Variants in TMEM131 observed in about 807,000 individuals in gnomAD.
TMEM131 encodes the protein 2610524E03Rik.
TMEM131 carries 66 observed loss-of-function variants against 211.6 expected under a neutral mutation model. The observed-to-expected ratio is 0.31, with a 90% CI of 0.26 to 0.38. The LOEUF (loss-of-function observed/expected upper bound fraction) is 0.38, where lower values mean the gene tolerates loss of function less well. Among genes scored for constraint, TMEM131 ranks in the 10% least tolerant of loss-of-function variants. The pLI, the probability that TMEM131 is intolerant of heterozygous loss-of-function variation, is 1.00. For missense variants in TMEM131, 2,036 were observed against 2,299.3 expected (o/e 0.89, Z 2.34); for synonymous variants, 844 against 841.3 (o/e 1.00, Z -0.06).
chr2:97,987,188 A>G (rs940303928), intron 1 of TMEM131, among the ~76,000 whole-genome samples: 1 of 152,254 alleles, frequency 6.6e-6, no homozygotes, highest in Non-Finnish European at 1.5e-5. Context: ...CTGCCATATC[A>G]CTTTGCAATC....
At chr2:97,776,558 T>A (rs183134120) in intron 31 of TMEM131, among the ~76,000 whole-genome samples, 1 of 152,332 alleles carries the variant, frequency 6.6e-6, no homozygotes, top group East Asian at 1.9e-4. Flanking sequence ...AACACACCCA[T>A]TTTAAGGGTA....
At chr2:97,771,361 G>A (rs1354568576) in intron 33 of TMEM131, among the ~76,000 whole-genome samples, 4 of 152,162 alleles carry the variant, frequency 2.6e-5, no homozygotes, top group Non-Finnish European at 5.9e-5. Flanking sequence ...CCTGCCTGAA[G>A]CCATATAATC....
At chr2:97,990,666 T>C (rs1288152554) in intron 1 of TMEM131, among the ~76,000 whole-genome samples, 2 of 152,140 alleles carry the variant, frequency 1.3e-5, no homozygotes, top group Non-Finnish European at 2.9e-5. Context: ...AAAAGCAACA[T>C]GTGGGGAAGA....
rs1254964893 is a variant in TMEM131 at position 97,805,601 on chromosome 2, T to C, written c.2158A>G (p.Lys720Glu). The C allele has an allele frequency of 3.1e-6, 5 of 1,611,526 alleles. No individual in the cohort carries two copies. Among genetic ancestry groups the C allele is most frequent in the Non-Finnish European group, 4.2e-6 (5 of 1,178,086 alleles). ...TCTTCCTTATTGCCCCGTAATCGTT[T>C]ATAGTAAAATCGCACATCTTCTGAC... ...SLSEDVRFYYKRLRGNKEDLE... is the reference protein window; with the variant it reads ...SLSEDVRFYYERLRGNKEDLE... The change falls in exon 20 of 41, where the codon AAA becomes GAA. Residue 720 changes from lysine (K) to glutamate (E), a missense_variant. By Grantham distance (56) the Lys-to-Glu change is moderately conservative (BLOSUM62 1). Around this residue, in one of 3 missense-constraint regions of TMEM131, gnomAD observed 1,623 missense variants for 1,805.9 expected, o/e 0.90. Transcript: ENST00000186436.
At chr2:97,920,970 AGTGTGTGTGTGTGTGTGT>A (rs57343769) in intron 2 of TMEM131, among the ~76,000 whole-genome samples, 4 of 146,630 alleles carry the variant, frequency 2.7e-5, no homozygotes, top group Non-Finnish European at 4.5e-5. Flanking sequence ...AAAAATCCCG[AGTGTGTGTGTGTGTGTGT>A]GTGTGTGTGT....
At chr2:97,910,167 A>G (rs1218471295) in intron 2 of TMEM131, among the ~76,000 whole-genome samples, 1 of 152,196 alleles carries the variant, frequency 6.6e-6, no homozygotes, top group Non-Finnish European at 1.5e-5. Flanking sequence ...AATCAAAACC[A>G]CAATGATACC....
At chr2:97,847,354 G>T (rs1236433913) in intron 5 of TMEM131, among the ~76,000 whole-genome samples, 1 of 152,052 alleles carries the variant, frequency 6.6e-6, no homozygotes. Context: ...TGGGAATCAA[G>T]GTCAACATAT....
chr2:97,891,943 A>G lies in TMEM131; in HGVS notation c.291-3823T>C, dbSNP rs557002288. On this transcript the variant is annotated intron_variant, in intron 3 of 40. Coordinates refer to ENST00000186436, the MANE Select transcript of TMEM131 (RefSeq NM_015348.2). The stretch of plus-strand genomic sequence containing the variant: ...TTGATCCACAAACATTACAGCCACA[A>G]ATAAGAGGTGGGGAAGGAAGTGCCT... Among the ~76,000 whole-genome samples the G allele has an allele frequency of 2.6e-5, 4 of 152,260 alleles. No homozygotes were observed. In the East Asian group the frequency reaches 5.8e-4, roughly 22 times the overall value.
chr2:97,845,540 T>C (rs932404788), intron 5 of TMEM131, among the ~76,000 whole-genome samples: 1 of 152,092 alleles, frequency 6.6e-6, no homozygotes, highest in African/African-American at 2.4e-5. Flanking sequence ...TTGAATTGAT[T>C]GGAAATGAAA....
intron 5 of TMEM131, among the ~76,000 whole-genome samples, chr2:97,852,792 G>A (rs1185097571): frequency 6.6e-6 from 1 of 152,200 alleles, no homozygotes; most frequent in Non-Finnish European, 1.5e-5. Flanking sequence ...TGGCTTCAAA[G>A]CTTCAAAGGA....
At chr2:97,781,320 GCTGTGAC>G (rs1679991181) in intron 31 of TMEM131, among the ~76,000 whole-genome samples, 2 of 152,210 alleles carry the variant, frequency 1.3e-5, no homozygotes, top group Non-Finnish European at 2.9e-5. Context: ...ATATACCAAT[GCTGTGAC>G]CTGCTCTGAG....
chr2:97,916,584 A>G (rs893622191), intron 2 of TMEM131, among the ~76,000 whole-genome samples: 11 of 152,232 alleles, frequency 7.2e-5, no homozygotes, highest in Non-Finnish European at 1.5e-4. Context: ...TAGTTGTAAT[A>G]TTGTAAAACT....
chr2:97,764,449 A>C (rs1356570363), intron 35 of TMEM131: 1 of 152,438 alleles, frequency 6.6e-6, no homozygotes, highest in Admixed American at 6.6e-5. Flanking sequence ...TAACGCTGGC[A>C]GTGAGGGCAG....
At chr2:97,910,948 C>G (rs903998401) in intron 2 of TMEM131, among the ~76,000 whole-genome samples, 50 of 152,078 alleles carry the variant, frequency 3.3e-4, no homozygotes, top group African/African-American at 9.2e-4. Flanking sequence ...GAAACAAAAG[C>G]ATTTGTCCGT....
At chr2:97,893,609 C>T (rs1675476259) in intron 3 of TMEM131, among the ~76,000 whole-genome samples, 2 of 152,234 alleles carry the variant, frequency 1.3e-5, no homozygotes, top group East Asian at 1.9e-4. Context: ...TGGTATCTCA[C>T]TGTAGTTTTG....
At chr2:97,972,506 A>G (rs1204853612) in intron 1 of TMEM131, among the ~76,000 whole-genome samples, 2 of 150,946 alleles carry the variant, frequency 1.3e-5, no homozygotes, top group East Asian at 1.9e-4. Context: ...GCAGGCGGGC[A>G]GGCAGGCAGG....
intron 18 of TMEM131, among the ~76,000 whole-genome samples, 177 bp from the exon 19 acceptor site, chr2:97,809,951 A>C (rs1443076458): frequency 6.8e-6 from 1 of 147,220 alleles, no homozygotes; most frequent in Non-Finnish European, 1.6e-5. Context: ...TGTACTCCAT[A>C]AAATGTAATG....
chr2:97,890,296 T>C (rs1446095758), intron 3 of TMEM131, among the ~76,000 whole-genome samples: 1 of 152,222 alleles, frequency 6.6e-6, no homozygotes, highest in Non-Finnish European at 1.5e-5. Context: ...AGGGAAGTCC[T>C]GGAGTGCTCC....
At chr2:97,790,980 C>T (rs1680474877) in intron 31 of TMEM131, among the ~76,000 whole-genome samples, 1 of 152,222 alleles carries the variant, frequency 6.6e-6, no homozygotes, top group Admixed American at 6.5e-5. Context: ...CTTCTGGCCT[C>T]TTAGGGCTGC....
Sources: gnomAD v4.1 joint callset for allele counts (sites outside exome capture counted in the v4.1 genomes callset) on GRCh38, gnomAD v4.1.1 for gene constraint, gnomAD v4.1.1 regional missense constraint, MANE v1.5 for transcripts, NCBI Gene and HGNC (gene_info 2026-07-23, HGNC 2026-07-21) for gene names.